The following HSD17B12 variants were observed in gnomAD, a reference collection of about 807,000 sequenced individuals.
HSD17B12 encodes hydroxysteroid 17-beta dehydrogenase 12.
In HSD17B12, 32 loss-of-function variants were observed where a neutral mutation model predicts 39.3. That is an observed-to-expected ratio of 0.81 (90% CI 0.61 to 1.09). HSD17B12 has a LOEUF of 1.09. HSD17B12 is among the 50% of genes least tolerant of loss of function. HSD17B12 has a pLI of 0.00. For synonymous variants in HSD17B12, 150 were observed against 146.7 expected, an observed-to-expected ratio of 1.02 and a Z score of -0.16; for missense variants, 342 against 382.9, an observed-to-expected ratio of 0.89 and a Z score of 0.89.
the HSD17B12 span, among the ~76,000 whole-genome samples, chr11:43,626,482 A>T: frequency 6.6e-6 from 1 of 151,854 alleles, no homozygotes; most frequent in Non-Finnish European, 1.5e-5. Context: ...AAAATAATGC[A>T]TTTTTGGTTT....
chr11:43,676,845 T>C (rs537753297), upstream of HSD17B12, among the ~76,000 whole-genome samples: 2 of 152,202 alleles, frequency 1.3e-5, no homozygotes, highest in Non-Finnish European at 2.9e-5. Context: ...TTATAATAAC[T>C]GTCTTCTCCC....
At chr11:43,640,812 C>A in the HSD17B12 span, 1 of 151,880 alleles carries the variant, frequency 6.6e-6, no homozygotes, top group East Asian at 1.9e-4. Context: ...TTAATTGCAG[C>A]ATTAATTTAA....
chr11:43,732,655 G>A (rs1950279994), intron 1 of HSD17B12, among the ~76,000 whole-genome samples: 2 of 152,132 alleles, frequency 1.3e-5, no homozygotes, highest in African/African-American at 4.8e-5. Flanking sequence ...TGTAGAGACA[G>A]GGTCTTGCTG....
chr11:43,674,079 C>G, the HSD17B12 span, among the ~76,000 whole-genome samples: 4 of 152,172 alleles, frequency 2.6e-5, no homozygotes, highest in Non-Finnish European at 5.9e-5. Context: ...CAAGATCATA[C>G]AGCTAATAAG....
intron 1 of HSD17B12, among the ~76,000 whole-genome samples, chr11:43,716,742 C>T (rs995025787): frequency 3.4e-5 from 5 of 145,696 alleles, no homozygotes; most frequent in African/African-American, 5.0e-5. Flanking sequence ...ATATATTATA[C>T]ATATATATAT....
chr11:43,560,953 G>T, the HSD17B12 span, among the ~76,000 whole-genome samples: 3 of 152,094 alleles, frequency 2.0e-5, no homozygotes, highest in East Asian at 5.8e-4. Context: ...CTCCATTTTT[G>T]ACCCATTGGG....
intron 8 of HSD17B12, 72 bp downstream of exon 8, chr11:43,838,470 G>A: frequency 8.6e-7 from 1 of 1,156,540 alleles, no homozygotes; most frequent in Non-Finnish European, 1.3e-6. Flanking sequence ...AATTAACGTA[G>A]ATTTAACTTT....
rs1565105364 is a variant in HSD17B12 at position 43,831,176 on chromosome 11, G to A, written c.536+166G>A. The A allele has an allele frequency of 6.0e-6, 3 of 496,684 alleles. No individual in the cohort carries two copies. The highest frequency in any genetic ancestry group is 1.1e-5 in the Non-Finnish European group (3 of 282,210). The allele number at this position is 496,684 out of a possible 1,614,324, so 30.8% of individuals were successfully genotyped here. A position where few individuals can be genotyped will look rare whatever the true frequency, so the allele number is the denominator to read the frequency against. The stretch of plus-strand genomic sequence containing the variant: ...GAGTCACAGTAGAGCATGAGTCATC[G>A]GTGGTGGAGGCCTTTTCCACTCGAT... On this transcript the variant is annotated intron_variant, in intron 7 of 10. Coordinates refer to ENST00000278353, the MANE Select transcript of HSD17B12 (RefSeq NM_016142.3). The surrounding 1 kb of genome is among the most constrained non-coding windows in gnomAD (Gnocchi z 4.1).
chr11:43,722,922 G>A (rs1177091607), intron 1 of HSD17B12, among the ~76,000 whole-genome samples: 4 of 152,180 alleles, frequency 2.6e-5, no homozygotes, highest in Admixed American at 2.0e-4. Context: ...GGGTAGTGAT[G>A]TGATGTCATT....
At chr11:43,680,695 C>A, upstream of HSD17B12, 1 of 789,172 alleles carries the variant, frequency 1.3e-6, no homozygotes, top group Non-Finnish European at 2.2e-6. Context: ...GCCCCGCGGG[C>A]GGGGTTTAGG....
intron 9 of HSD17B12, among the ~76,000 whole-genome samples, chr11:43,848,132 C>T (rs907290514): frequency 2.6e-5 from 4 of 152,052 alleles, no homozygotes; most frequent in African/African-American, 9.7e-5. Context: ...GTCTTTTGTG[C>T]ATATGGAGTC....
the HSD17B12 span, among the ~76,000 whole-genome samples, chr11:43,588,610 C>CTATTATTATTATTATTATTATTATTAT: frequency 1.4e-5 from 2 of 144,974 alleles, no homozygotes; most frequent in East Asian, 2.0e-4. Flanking sequence ...TTATTATTAG[C>CTATTATTATTATTATTATTATTATTAT]TATTATTATT....
the HSD17B12 span, among the ~76,000 whole-genome samples, chr11:43,635,075 T>TA: frequency 2.8e-4 from 43 of 151,984 alleles, no homozygotes; most frequent in East Asian, 4.6e-3. Context: ...TCAGCAAATA[T>TA]AAAAAAAACA....
chr11:43,786,823 G>A (rs1959530848), intron 3 of HSD17B12, among the ~76,000 whole-genome samples: 1 of 152,168 alleles, frequency 6.6e-6, no homozygotes, highest in South Asian at 2.1e-4. Flanking sequence ...TTGGAGTATA[G>A]TCAATGCTCA....
At chr11:43,582,365 A>G in the HSD17B12 span, among the ~76,000 whole-genome samples, 1 of 152,088 alleles carries the variant, frequency 6.6e-6, no homozygotes, top group African/African-American at 2.4e-5. Context: ...AGAGTCTGTG[A>G]GTCCCCCTCC....
chr11:43,751,910 G>A (rs901538280), intron 2 of HSD17B12, among the ~76,000 whole-genome samples: 4 of 152,140 alleles, frequency 2.6e-5, no homozygotes, highest in African/African-American at 9.7e-5. Flanking sequence ...GAAGTTTAAC[G>A]TGACACAATA....
intron 3 of HSD17B12, among the ~76,000 whole-genome samples, chr11:43,768,081 A>G (rs1950612683): frequency 6.6e-6 from 1 of 152,186 alleles, no homozygotes; most frequent in Non-Finnish European, 1.5e-5. Flanking sequence ...GAATGGCACA[A>G]CTAACTGAGT....
the HSD17B12 span, among the ~76,000 whole-genome samples, chr11:43,673,903 C>T: frequency 1.2e-4 from 19 of 152,162 alleles, no homozygotes; most frequent in Non-Finnish European, 2.5e-4. Context: ...AATTCTTCCA[C>T]TTACTAGCTT....
At chr11:43,727,504 G>C (rs575482834) in intron 1 of HSD17B12, among the ~76,000 whole-genome samples, 6 of 143,174 alleles carry the variant, frequency 4.2e-5, no homozygotes, top group Non-Finnish European at 6.1e-5. Context: ...TTTTTTTTTC[G>C]ATAGGGAGTC....
Sources: gnomAD v4.1 joint callset for allele counts (sites outside exome capture counted in the v4.1 genomes callset) on GRCh38, gnomAD v4.1.1 for gene constraint, Gnocchi (gnomAD v3.1) non-coding constraint, MANE v1.5 for transcripts, NCBI Gene and HGNC (gene_info 2026-07-23, HGNC 2026-07-21) for gene names.